The following DACH2 variants were observed in gnomAD, a reference collection of about 807,000 sequenced individuals.
DACH2 encodes dachshund homolog 2.
DACH2 carries 17 observed loss-of-function variants against 35.8 expected under a neutral mutation model. The ratio of observed to expected loss-of-function variants is 0.48; its 90% CI spans 0.33 to 0.71. The LOEUF (loss-of-function observed/expected upper bound fraction) is 0.71, where lower values mean the gene tolerates loss of function less well. DACH2 is among the 30% of genes least tolerant of loss of function. The probability of loss-of-function intolerance (pLI) is 0.02; values close to 1 mark genes in which losing one functional copy is unlikely to be tolerated. For synonymous variants in DACH2, 195 were observed against 177.3 expected (o/e 1.10, Z -0.79); for missense variants, 469 against 472.7 (o/e 0.99, Z 0.07).
intron 1 of DACH2, among the ~76,000 whole-genome samples, chrX:86,337,782 G>C (rs1367518239): frequency 1.8e-5 from 2 of 111,893 alleles, no homozygotes; most frequent in African/African-American, 3.2e-5. Flanking sequence ...TGGATAAAGA[G>C]TCAAGACCCA....
intron 1 of DACH2, among the ~76,000 whole-genome samples, chrX:86,221,394 T>C (rs757092637): frequency 8.9e-6 from 1 of 111,829 alleles, no homozygotes; most frequent in African/African-American, 3.2e-5. Flanking sequence ...AATTCTGAGC[T>C]CTCTATTCTG....
chrX:86,413,861 T>G (rs181593816), intron 2 of DACH2, among the ~76,000 whole-genome samples: 1 of 111,153 alleles, frequency 9.0e-6, no homozygotes, highest in Non-Finnish European at 1.9e-5. Flanking sequence ...GGACCTGAGC[T>G]AAAACTTCAT....
chrX:86,467,347 C>T (rs905720382), intron 2 of DACH2, among the ~76,000 whole-genome samples: 2 of 111,503 alleles, frequency 1.8e-5, no homozygotes, highest in Non-Finnish European at 3.8e-5. Flanking sequence ...GTCACCTTTG[C>T]TTCATTTCCC....
intron 2 of DACH2, among the ~76,000 whole-genome samples, chrX:86,417,805 G>T (rs2036733942): frequency 9.0e-6 from 1 of 111,069 alleles, no homozygotes; most frequent in Non-Finnish European, 1.9e-5. Flanking sequence ...ACTCATTTCA[G>T]AATTAAATGA....
At chrX:86,299,921 A>G (rs1475434676) in intron 1 of DACH2, among the ~76,000 whole-genome samples, 2 of 111,762 alleles carry the variant, frequency 1.8e-5, no homozygotes, top group East Asian at 2.8e-4. Flanking sequence ...TTATTGGTAC[A>G]TGATATTTGT....
At chrX:86,675,083 C>T (rs1387382555) in intron 4 of DACH2, among the ~76,000 whole-genome samples, 1 of 111,532 alleles carries the variant, frequency 9.0e-6, no homozygotes, top group African/African-American at 3.3e-5. Flanking sequence ...ATCCCTCTGC[C>T]TCCCAACCAA....
intron 1 of DACH2, among the ~76,000 whole-genome samples, chrX:86,278,879 A>G (rs2033968965): frequency 9.0e-6 from 1 of 111,495 alleles, no homozygotes; most frequent in African/African-American, 3.3e-5. Flanking sequence ...GCAATTACTG[A>G]GTCTTGAGTA....
rs1404244215 is a variant in DACH2, at chrX:86,812,935, T to G, written c.1320T>G (p.Ala440=). 1 of 1,205,908 alleles carries G rather than the reference T, an allele frequency of 8.3e-7. No individual in the cohort carries two copies. The highest frequency in any genetic ancestry group is 1.1e-6 in the Non-Finnish European group (1 of 892,307). ...IQLTPGQALP[A]GFPGPFIFAD... is the part of the protein sequence containing the mutation. ...TGACTCCTGGGCAGGCATTGCCCGC[T>G]GGATTCCCTGGACCATTCATTTTTG... The change falls in exon 8 of 12, where the codon GCT becomes GCG. Residue 440 remains alanine, a synonymous_variant. Coordinates refer to ENST00000373125, the MANE Select transcript of DACH2 (RefSeq NM_053281.3).
intron 4 of DACH2, among the ~76,000 whole-genome samples, chrX:86,681,615 A>C (rs1408600566): frequency 5.7e-5 from 6 of 104,568 alleles, no homozygotes; most frequent in South Asian, 4.2e-4. Context: ...CTCTCTATAT[A>C]TATATATAAT....
chrX:86,720,901 A>G (rs1012643062), intron 6 of DACH2, among the ~76,000 whole-genome samples: 4 of 112,544 alleles, frequency 3.6e-5, no homozygotes, highest in African/African-American at 1.3e-4. Context: ...GAGGTCCCCA[A>G]ACCTCAATTC....
At chrX:86,384,459 T>C (rs1401140156) in intron 2 of DACH2, among the ~76,000 whole-genome samples, 2 of 111,818 alleles carry the variant, frequency 1.8e-5, no homozygotes, top group Non-Finnish European at 3.8e-5. Context: ...ATAGGACTAT[T>C]ATGGTTTGTA....
At chrX:86,311,813 G>T (rs2034805842) in intron 1 of DACH2, among the ~76,000 whole-genome samples, 1 of 111,457 alleles carries the variant, frequency 9.0e-6, no homozygotes, top group Non-Finnish European at 1.9e-5. Flanking sequence ...GTTGGCTGGG[G>T]TGATTGATGC....
intron 1 of DACH2, among the ~76,000 whole-genome samples, chrX:86,318,020 T>C (rs896056819): frequency 1.8e-5 from 2 of 111,893 alleles, no homozygotes; most frequent in Admixed American, 9.5e-5. Context: ...GTTTTTCCAA[T>C]TGTGTCCTGT....
chrX:86,528,480 T>G (rs960435249), intron 3 of DACH2, among the ~76,000 whole-genome samples: 5 of 111,744 alleles, frequency 4.5e-5, no homozygotes, highest in African/African-American at 1.6e-4. Context: ...CATGTTTAGT[T>G]TCAAAGGAAA....
chrX:86,327,575 G>C (rs1412091801), intron 1 of DACH2, among the ~76,000 whole-genome samples: 3 of 109,262 alleles, frequency 2.7e-5, no homozygotes, highest in Non-Finnish European at 5.7e-5. Context: ...GCTATCATGA[G>C]TACAAGAAAA....
chrX:86,501,676 T>C (rs1274203141), intron 2 of DACH2, among the ~76,000 whole-genome samples: 1 of 111,826 alleles, frequency 8.9e-6, no homozygotes, highest in African/African-American at 3.2e-5. Flanking sequence ...TCTGACCAAA[T>C]GCATTTGAAG....
intron 3 of DACH2, among the ~76,000 whole-genome samples, chrX:86,642,928 A>G (rs901110587): frequency 1.8e-5 from 2 of 111,759 alleles, no homozygotes; most frequent in Admixed American, 1.9e-4. Context: ...GATGCAACAT[A>G]CCAGAATCTC....
At chrX:86,823,254 G>A (rs755153860) in intron 11 of DACH2, among the ~76,000 whole-genome samples, 52 of 111,852 alleles carry the variant, frequency 4.6e-4, no homozygotes, top group Non-Finnish European at 9.2e-4. Context: ...ATTTTAGACT[G>A]GGATTCCTTA....
chrX:86,645,112 C>T (rs1295516715), intron 3 of DACH2, among the ~76,000 whole-genome samples: 2 of 111,061 alleles, frequency 1.8e-5, no homozygotes, highest in South Asian at 7.5e-4. Context: ...AAGAACCTAT[C>T]AACAGAGTAA....
Sources: allele counts gnomAD v4.1 joint callset (sites outside exome capture counted in the v4.1 genomes callset), GRCh38; gene constraint gnomAD v4.1.1; transcripts MANE v1.5; gene names NCBI Gene and HGNC (gene_info 2026-07-23, HGNC 2026-07-21).